CPE: variants seen among roughly 807,000 people sequenced by gnomAD.
CPE encodes carbocypeptidase E.
Under a neutral mutation model 53.5 loss-of-function variants are expected in CPE, and 17 were observed. The ratio of observed to expected loss-of-function variants is 0.32; its 90% CI spans 0.22 to 0.48. CPE has a LOEUF of 0.48. Ranked by LOEUF, CPE falls within the 20% of genes least tolerant of loss-of-function variation. The pLI is 0.99. For synonymous variants in CPE, 226 were observed against 228.8 expected, an observed-to-expected ratio of 0.99 and a Z score of 0.11; for missense variants, 524 against 614.7, an observed-to-expected ratio of 0.85 and a Z score of 1.56.
intron 1 of CPE, 129 bp from the exon 2 acceptor site, chr4:165,464,261 A>ATT: frequency 1.4e-6 from 1 of 706,408 alleles, no homozygotes; most frequent in Non-Finnish European, 2.2e-6. Context: ...TCTACGGTAG[A>ATT]TTTTTTTTTA....
At chr4:165,430,760 G>T (rs1731396503) in intron 1 of CPE, among the ~76,000 whole-genome samples, 1 of 152,112 alleles carries the variant, frequency 6.6e-6, no homozygotes, top group African/African-American at 2.4e-5. Flanking sequence ...GGGTGACAAA[G>T]CTGTACTTCA....
At chr4:165,391,918 A>C (rs1730686944) in intron 1 of CPE, among the ~76,000 whole-genome samples, 1 of 152,054 alleles carries the variant, frequency 6.6e-6, no homozygotes, top group Admixed American at 6.6e-5. Context: ...TAAGGTATGG[A>C]AAGTCAAAGA....
chr4:165,401,696 A>C (rs7699952), intron 1 of CPE, among the ~76,000 whole-genome samples: 4,320 of 152,114 alleles, frequency 0.028, 211 homozygotes, highest in African/African-American at 0.097. Flanking sequence ...TGAGTGGAGG[A>C]GGGTTTATGT....
chr4:165,487,668 G>A (rs181324546), intron 6 of CPE, 91 bp downstream of exon 6: 355 of 1,402,024 alleles, frequency 2.5e-4, no homozygotes, highest in Admixed American at 2.0e-3. Flanking sequence ...AGGAGAATCC[G>A]TCTGGTGCAG....
At chr4:165,456,787 G>C (rs1731910985) in intron 1 of CPE, among the ~76,000 whole-genome samples, 1 of 141,916 alleles carries the variant, frequency 7.0e-6, no homozygotes, top group Non-Finnish European at 1.5e-5. Flanking sequence ...TGTCGCCCAG[G>C]CTGGAGTATA....
chr4:165,394,486 C>T (rs991710784), intron 1 of CPE, among the ~76,000 whole-genome samples: 2 of 152,068 alleles, frequency 1.3e-5, no homozygotes, highest in Non-Finnish European at 1.5e-5. Flanking sequence ...AAGGGCAACC[C>T]TCAGTTGTGT....
intron 1 of CPE, among the ~76,000 whole-genome samples, chr4:165,440,221 C>T (rs1410317617): frequency 6.6e-6 from 1 of 152,082 alleles, no homozygotes; most frequent in Non-Finnish European, 1.5e-5. Flanking sequence ...GTTCTTCTGC[C>T]AGGGATATAT....
At chr4:165,495,459 A>T in intron 7 of CPE, 100 bp from the exon 8 acceptor site, 2 of 681,140 alleles carry the variant, frequency 2.9e-6, no homozygotes, top group Admixed American at 5.4e-5. Flanking sequence ...AAAAAAGGTG[A>T]ACTGAGCTAG....
intron 2 of CPE, among the ~76,000 whole-genome samples, chr4:165,466,544 G>A (rs1055306884): frequency 2.6e-5 from 4 of 151,430 alleles, no homozygotes; most frequent in Admixed American, 6.6e-5. Flanking sequence ...TTGAGATGGA[G>A]TCTCACTCTG....
chr4:165,430,224 G>C (rs1731386028), intron 1 of CPE, among the ~76,000 whole-genome samples: 1 of 152,130 alleles, frequency 6.6e-6, no homozygotes, highest in Non-Finnish European at 1.5e-5. Flanking sequence ...GATTGCATAT[G>C]TTGACTCAAT....
At position 165,497,934 on chromosome 4, in the gene CPE, G is replaced by T. The variant is rs1026811254; in HGVS notation, c.*324G>T. The T allele has an allele frequency of 6.3e-6, 1 of 159,594 alleles. No homozygotes were observed. The highest frequency in any genetic ancestry group is 1.8e-4 in the East Asian group (1 of 5,656). 9.9% of individuals were successfully genotyped at this position (159,594 alleles called of 1,614,324 possible). ...ATGCAGAATTTTTTGAGTAATTCTA[G>T]CTTTCAAAAATTAGTGAAGTTCTTT... is the stretch of plus-strand genomic sequence containing the variant. On this transcript the variant is annotated 3_prime_UTR_variant, in exon 9 of 9. Coordinates refer to ENST00000402744, the MANE Select transcript of CPE (RefSeq NM_001873.4).
chr4:165,494,728 T>C (rs1011515740), intron 7 of CPE, among the ~76,000 whole-genome samples: 2 of 152,146 alleles, frequency 1.3e-5, no homozygotes, highest in African/African-American at 2.4e-5. Flanking sequence ...AAAAAGACAA[T>C]TGAGGCACTA....
At chr4:165,405,210 G>T in intron 1 of CPE, 1 of 788,192 alleles carries the variant, frequency 1.3e-6, no homozygotes, top group Non-Finnish European at 2.3e-6. Context: ...ATAGTCTTTC[G>T]CCCCTTATCC....
chr4:165,462,578 T>G (rs1560889520), intron 1 of CPE, among the ~76,000 whole-genome samples: 2 of 152,110 alleles, frequency 1.3e-5, no homozygotes. Context: ...CTCAATCAAA[T>G]GAATACATCA....
chr4:165,443,410 C>T (rs6536914), intron 1 of CPE, among the ~76,000 whole-genome samples: 89,831 of 152,052 alleles, frequency 0.59, 26,886 homozygotes, highest in East Asian at 0.74. Flanking sequence ...TTGCTAAGGC[C>T]ACCATAACAA....
At chr4:165,428,994 C>T (rs1418569128) in intron 1 of CPE, among the ~76,000 whole-genome samples, 3 of 152,192 alleles carry the variant, frequency 2.0e-5, no homozygotes, top group African/African-American at 7.2e-5. Flanking sequence ...TTTCAGCCTA[C>T]CACACTAATC....
At chr4:165,496,737 A>G (rs1732711285) in intron 8 of CPE, among the ~76,000 whole-genome samples, 1 of 152,096 alleles carries the variant, frequency 6.6e-6, no homozygotes, top group Non-Finnish European at 1.5e-5. Context: ...TTGGACACAT[A>G]CGTGCTTTTG....
At chr4:165,493,537 C>T (rs535610890) in intron 7 of CPE, among the ~76,000 whole-genome samples, 3 of 152,224 alleles carry the variant, frequency 2.0e-5, no homozygotes, top group Admixed American at 6.5e-5. Flanking sequence ...GGAGGTGGTG[C>T]CACAGGCTGC....
At position 165,400,005 on chromosome 4, in the gene CPE, C is replaced by T. The variant is rs1448233405; in HGVS notation, c.307+20477C>T. 2.0e-5 allele frequency among the ~76,000 whole-genome samples: 3 copies of T among 152,184 alleles called. No individual in the cohort carries two copies. In the East Asian group the frequency reaches 5.8e-4, roughly 29 times the overall value. ...GACCTTACTGTACATGTAGAGGAAGCAAAATCTTTACAAGTAGGTCTTTGG... is the reference window on the plus strand; with the variant it reads ...GACCTTACTGTACATGTAGAGGAAGTAAAATCTTTACAAGTAGGTCTTTGG... On this transcript the variant is annotated intron_variant, in intron 1 of 8. Transcript: ENST00000402744.
Sources: gnomAD v4.1 joint callset for allele counts (sites outside exome capture counted in the v4.1 genomes callset) on GRCh38, gnomAD v4.1.1 for gene constraint, MANE v1.5 for transcripts, NCBI Gene and HGNC (gene_info 2026-07-23, HGNC 2026-07-21) for gene names.